PEX11B: variants seen among roughly 807,000 people sequenced by gnomAD.
The protein encoded by PEX11B is peroxisomal biogenesis factor 11 beta.
A neutral mutation model predicts 28.2 loss-of-function variants in PEX11B; 18 were observed. The ratio of observed to expected loss-of-function variants is 0.64; its 90% CI spans 0.44 to 0.95. The LOEUF (loss-of-function observed/expected upper bound fraction) is 0.95, where lower values mean the gene tolerates loss of function less well. Among genes scored for constraint, PEX11B ranks in the 40% least tolerant of loss-of-function variants. The pLI, the probability that PEX11B is intolerant of heterozygous loss-of-function variation, is 0.00. For synonymous variants in PEX11B, 128 were observed against 128.7 expected, an observed-to-expected ratio of 0.99 and a Z score of 0.04; for missense variants, 305 against 319.8, an observed-to-expected ratio of 0.95 and a Z score of 0.35.
chr1:145,915,375 C>T (rs1207964222), intron 3 of PEX11B, among the ~76,000 whole-genome samples: 13 of 151,912 alleles, frequency 8.6e-5, no homozygotes, highest in African/African-American at 3.1e-4. Flanking sequence ...ACCCCTCATA[C>T]ATCATAAGCC....
rs782811309 is a variant in PEX11B, at chr1:145,912,255, C to T, written c.686G>A (p.Arg229His). ...AAGCCCCACAATCCCAGGGCCACAGCGCCAGAGGCCTAGTTTGTCCAGAGG... is the reference window on the plus strand; with the variant it reads ...AAGCCCCACAATCCCAGGGCCACAGTGCCAGAGGCCTAGTTTGTCCAGAGG... ...FIPLDKLGLWRCGPGIVGLCG... is the reference protein window; with the variant it reads ...FIPLDKLGLWHCGPGIVGLCG... The change falls in exon 4 of 4, where the codon CGC becomes CAC. Residue 229 changes from arginine (R) to histidine (H), a missense_variant. Transcript: ENST00000369306. 25 of 1,613,866 alleles carry T rather than the reference C, an allele frequency of 1.5e-5. No individual in the cohort carries two copies. Among genetic ancestry groups the T allele is most frequent in the South Asian group, 7.7e-5 (7 of 91,086 alleles).
intron 2 of PEX11B, 61 bp from the exon 3 acceptor site, chr1:145,917,079 C>G: frequency 1.8e-6 from 2 of 1,114,462 alleles, no homozygotes; most frequent in South Asian, 1.2e-5. Context: ...TAACAAGAAA[C>G]AGAAACAGAG....
chr1:145,912,144 T>G lies in PEX11B; in HGVS notation c.*17A>C. The G allele has an allele frequency of 6.4e-7, 1 of 1,563,338 alleles. No individual in the cohort carries two copies. Among genetic ancestry groups the G allele is most frequent in the Non-Finnish European group, 8.7e-7 (1 of 1,153,132 alleles). On this transcript the variant is annotated 3_prime_UTR_variant, in exon 4 of 4. Coordinates refer to ENST00000369306, the MANE Select transcript of PEX11B (RefSeq NM_003846.3). ...ATCTCACCAATTCAGGTCCCCTCCTTATCCTGTACCGGAAGGTCAGGGCTT... is the reference window on the plus strand; with the variant it reads ...ATCTCACCAATTCAGGTCCCCTCCTGATCCTGTACCGGAAGGTCAGGGCTT...
chr1:145,917,153 G>C, intron 2 of PEX11B, 135 bp from the exon 3 acceptor site: 2 of 644,162 alleles, frequency 3.1e-6, no homozygotes, highest in Non-Finnish European at 5.7e-6. Flanking sequence ...GAAACAGGCT[G>C]GGCATGGTGG....
rs587656527 is a variant in PEX11B, at chr1:145,912,118, C to T, written c.*43G>A. ...GCACATGGGGGACGATCTAAGATTCCATCTCACCAATTCAGGTCCCCTCCT... is the reference window on the plus strand; with the variant it reads ...GCACATGGGGGACGATCTAAGATTCTATCTCACCAATTCAGGTCCCCTCCT... On this transcript the variant is annotated 3_prime_UTR_variant, in exon 4 of 4. Transcript: ENST00000369306. 52 of 1,436,962 alleles carry T rather than the reference C, an allele frequency of 3.6e-5. No individual in the cohort carries two copies. In the South Asian group the frequency reaches 7.5e-4, roughly 21 times the overall value. The allele number at this position is 1,436,962 out of a possible 1,614,324, so 89.0% of individuals were successfully genotyped here. A position where few individuals can be genotyped will look rare whatever the true frequency, so the allele number is the denominator to read the frequency against.
intron 3 of PEX11B, among the ~76,000 whole-genome samples, chr1:145,916,438 C>T (rs1263333329): frequency 6.6e-6 from 1 of 152,156 alleles, no homozygotes; most frequent in African/African-American, 2.4e-5. Context: ...AAACTAGAAG[C>T]TTCATGGGAG....
chr1:145,914,373 C>CA (rs782609110), intron 3 of PEX11B, among the ~76,000 whole-genome samples: 10,096 of 116,026 alleles, frequency 0.087, 1,045 homozygotes, highest in African/African-American at 0.26. Flanking sequence ...GACTCCATCT[C>CA]AAAAAAAAAA....
At position 145,916,922 on chromosome 1, in the gene PEX11B, T is replaced by G; in HGVS notation, c.269A>C (p.His90Pro). 6.2e-7 allele frequency: 1 copy of G among 1,613,700 alleles called. No individual in the cohort carries two copies. The highest frequency in any genetic ancestry group is 8.5e-7 in the Non-Finnish European group (1 of 1,179,642). ...VVLRFCITVS[H>P]LNRALYFACD... The stretch of plus-strand genomic sequence containing the variant: ...GGCGAAGTACAAGGCTCGATTGAGG[T>G]GACTAACAGTGATGCAGAATCTCAG... Residue 90 changes from histidine to proline, a missense_variant, in exon 3 of 4, where the codon CAC becomes CCC. Transcript: ENST00000369306.
Position 145,914,925 on chromosome 1 carries a change from C to T in PEX11B, c.374+1892G>A, listed in dbSNP as rs188261293. On this transcript the variant is annotated intron_variant, in intron 3 of 3. Coordinates refer to ENST00000369306, the MANE Select transcript of PEX11B (RefSeq NM_003846.3). ...GTTTGTCTTTTCTTTTTTTTTGAGA[C>T]GGTATTTCACTGTTGTTGCCCAGGC... 1.8e-3 allele frequency among the ~76,000 whole-genome samples: 279 copies of T among 151,812 alleles called. 3 individuals carry two copies. Among genetic ancestry groups the T allele is most frequent in the South Asian group, 0.013 (63 of 4,820 alleles).
At position 145,912,502 on chromosome 1, in the gene PEX11B, C is replaced by T; in HGVS notation, c.439G>A (p.Glu147Lys). ...CGGCTACAAGCAGAAGACTCTTGCT[C>T]CATCAGTAGGCGAATCTCATAAGCA... ...RDAYEIRLLM[E>K]QESSACSRRL... Residue 147 changes from glutamate (E) to lysine (K), a missense_variant, in exon 4 of 4, where the codon GAG becomes AAG. Physicochemically the swap from Glu to Lys is moderately conservative, Grantham distance 56. Transcript: ENST00000369306. The T allele has an allele frequency of 6.7e-7, 1 of 1,502,690 alleles. No homozygotes were observed. Among genetic ancestry groups the T allele is most frequent in the Non-Finnish European group, 8.9e-7 (1 of 1,126,084 alleles). The allele number at this position is 1,502,690 out of a possible 1,614,324, so 93.1% of individuals were successfully genotyped here.
rs115661899 is a variant in PEX11B, at chr1:145,914,552, T to C, written c.375-1986A>G. On this transcript the variant is annotated intron_variant, in intron 3 of 3. Coordinates refer to ENST00000369306, the MANE Select transcript of PEX11B (RefSeq NM_003846.3). ...CTGCAATCATTATGCTCCAACCATG[T>C]TGGTTTCCTTCTACATTTTAATCCC... is the stretch of plus-strand genomic sequence containing the variant. Among the ~76,000 whole-genome samples, 650 of 152,310 alleles carry C rather than the reference T, an allele frequency of 4.3e-3. 5 individuals carry two copies. The highest frequency in any genetic ancestry group is 0.013 in the African/African-American group (535 of 41,560).
At chr1:145,915,583 C>A (rs1647331683) in intron 3 of PEX11B, among the ~76,000 whole-genome samples, 1 of 151,984 alleles carries the variant, frequency 6.6e-6, no homozygotes, top group South Asian at 2.1e-4. Flanking sequence ...CGTATTAGGG[C>A]ATCTCCTCCT....
chr1:145,917,586 G>C (rs1647468587), intron 2 of PEX11B, 115 bp downstream of exon 2: 1 of 698,012 alleles, frequency 1.4e-6, no homozygotes, highest in Non-Finnish European at 2.6e-6. Context: ...CAGAGGGTAA[G>C]TGCAGAGCCA....
chr1:145,918,444 A>G, intron 1 of PEX11B, 189 bp downstream of exon 1: 11 of 1,536,104 alleles, frequency 7.2e-6, no homozygotes, highest in Non-Finnish European at 7.8e-6. Flanking sequence ...CAGTTTCCCC[A>G]TCTCTTCCGC....
At chr1:145,918,086 C>T (rs1167829011) in intron 1 of PEX11B, 6 of 985,226 alleles carry the variant, frequency 6.1e-6, no homozygotes, top group Non-Finnish European at 7.2e-6. Context: ...CAGTGCAGGC[C>T]GCAGGGGTCC....
At chr1:145,914,377 A>C (rs1379947149) in intron 3 of PEX11B, among the ~76,000 whole-genome samples, 1 of 151,898 alleles carries the variant, frequency 6.6e-6, no homozygotes, top group Non-Finnish European at 1.5e-5. Context: ...CCATCTCAAA[A>C]AAAAAAAAAA....
chr1:145,918,292 C>T (rs2101865488), intron 1 of PEX11B: 2 of 1,464,990 alleles, frequency 1.4e-6, no homozygotes, highest in East Asian at 2.5e-5. Context: ...CTGGGAGTGC[C>T]TCCTCAGCTC....
Position 145,917,784 on chromosome 1 carries a change from T to C in PEX11B, c.89A>G (p.His30Arg), listed in dbSNP as rs782598440. 4 of 1,613,742 alleles carry C rather than the reference T, an allele frequency of 2.5e-6. No homozygotes were observed. Among genetic ancestry groups the C allele is most frequent in the East Asian group, 4.5e-5 (2 of 44,874 alleles). The change falls in exon 2 of 4, where the codon CAT becomes CGT. Residue 30 changes from histidine (H) to arginine (R), a missense_variant. Coordinates refer to ENST00000369306, the MANE Select transcript of PEX11B (RefSeq NM_003846.3). ...AAQYACSLLG[H>R]ALQRHGASPE... ...ACTGGCTCCATGCCTCTGCAGCGCA[T>C]GGCCAAGAAGAGAGCAAGCATACTG...
chr1:145,913,590 G>GC (rs1553753479), intron 3 of PEX11B, among the ~76,000 whole-genome samples: 2 of 89,244 alleles, frequency 2.2e-5, no homozygotes, highest in Non-Finnish European at 4.4e-5. Flanking sequence ...TTTCCACTTG[G>GC]CAACACACAC....
Sources: gnomAD v4.1 joint callset for allele counts (sites outside exome capture counted in the v4.1 genomes callset) on GRCh38, gnomAD v4.1.1 for gene constraint, MANE v1.5 for transcripts, NCBI Gene and HGNC (gene_info 2026-07-23, HGNC 2026-07-21) for gene names.